Variants in GNG7 observed in about 807,000 individuals in gnomAD.
GNG7 encodes the protein G protein subunit gamma 7.
Under a neutral mutation model 4.0 loss-of-function variants are expected in GNG7, and 1 was observed. The ratio of observed to expected loss-of-function variants is 0.25; its 90% CI spans 0.09 to 1.18. GNG7 has a LOEUF of 1.18. Among genes scored for constraint, GNG7 ranks in the 50% most tolerant of loss-of-function variants. The pLI is 0.50. For missense variants in GNG7, 86 were observed against 91.9 expected (o/e 0.94, Z 0.26); for synonymous variants, 34 against 36.9 (o/e 0.92, Z 0.29).
intron 4 of GNG7, among the ~76,000 whole-genome samples, chr19:2,518,702 G>A (rs1465719645): frequency 6.6e-6 from 1 of 152,226 alleles, no homozygotes; most frequent in Admixed American, 6.5e-5. Flanking sequence ...GTGCTGGAGA[G>A]CTGAGTTCTG....
Position 2,553,628 on chromosome 19 carries a change from C to T in GNG7, c.-38+1521G>A, listed in dbSNP as rs561110982. The stretch of plus-strand genomic sequence containing the variant: ...ATATATCATACTACATACATGCACA[C>T]GTTACATGTAATATGTTATATTACA... On this transcript the variant is annotated intron_variant, in intron 3 of 4. Transcript: ENST00000382159. 4.5e-4 allele frequency among the ~76,000 whole-genome samples: 45 copies of T among 100,868 alleles called. No homozygotes were observed. In the South Asian group the frequency reaches 4.5e-3, roughly 10 times the overall value. The allele number at this position is 100,868 out of a possible 152,430, so 66.2% of individuals were successfully genotyped here.
chr19:2,559,856 T>C (rs918420862), intron 2 of GNG7, among the ~76,000 whole-genome samples: 65 of 148,822 alleles, frequency 4.4e-4, no homozygotes, highest in African/African-American at 1.5e-3. Context: ...GAGTGTTGAA[T>C]AGGGCAGCTG....
chr19:2,605,507 CTTTTT>C (rs10602276), intron 2 of GNG7, among the ~76,000 whole-genome samples: 96 of 62,456 alleles, frequency 1.5e-3, no homozygotes, highest in African/African-American at 6.1e-3. Context: ...CCAAATCTCA[CTTTTT>C]TTTTTTTTTT....
At chr19:2,594,600 T>A (rs1658117027) in intron 2 of GNG7, among the ~76,000 whole-genome samples, 2 of 152,120 alleles carry the variant, frequency 1.3e-5, no homozygotes, top group African/African-American at 2.4e-5. Flanking sequence ...CTCACTTCTC[T>A]CTCCAGCTTT....
In GNG7 at chr19:2,609,103, C is replaced by T. The variant is rs952820471; in HGVS notation, c.-78+37121G>A. 2.6e-5 allele frequency among the ~76,000 whole-genome samples: 4 copies of T among 151,930 alleles called. No homozygotes were observed. Among genetic ancestry groups the T allele is most frequent in the Non-Finnish European group, 5.9e-5 (4 of 67,980 alleles). On this transcript the variant is annotated intron_variant, in intron 2 of 4. Coordinates refer to ENST00000382159, the MANE Select transcript of GNG7 (RefSeq NM_052847.3). This position sits in a 1 kb window ranked among gnomAD's most constrained non-coding sequence, Gnocchi z 4.4. ...GTGCAGTGGTGCGATCTTGGCTCAC[C>T]GCAACCTCTGCCTCTCAGGTTCAAG...
intron 4 of GNG7, among the ~76,000 whole-genome samples, chr19:2,518,245 C>CA (rs1978292537): frequency 1.2e-5 from 1 of 81,472 alleles, no homozygotes; most frequent in African/African-American, 3.6e-5. Flanking sequence ...ATCCTGGCTC[C>CA]CCCCGAGGCC....
Position 2,514,780 on chromosome 19 carries a change from G to C in GNG7, c.*242C>G, listed in dbSNP as rs1972706672. The C allele has an allele frequency of 3.3e-5, 12 of 363,228 alleles. No individual in the cohort carries two copies. The South Asian group carries it at 4.5e-4, about 14-fold the overall frequency. The allele number at this position is 363,228 out of a possible 1,614,324, so 22.5% of individuals were successfully genotyped here. On this transcript the variant is annotated 3_prime_UTR_variant, in exon 5 of 5. Transcript: ENST00000382159. ...CCATCCCTTTTGGCCCAAACTGAGA[G>C]GGCCATGGGGTCGGACCTGAAAATT...
intron 3 of GNG7, among the ~76,000 whole-genome samples, chr19:2,553,580 CAT>C (rs1182895961): frequency 1.3e-5 from 2 of 149,076 alleles, no homozygotes; most frequent in African/African-American, 2.4e-5. Flanking sequence ...AATCATATCA[CAT>C]ACACGCACAT....
chr19:2,537,578 T>C (rs988832341), intron 3 of GNG7, among the ~76,000 whole-genome samples: 1 of 152,138 alleles, frequency 6.6e-6, no homozygotes, highest in Non-Finnish European at 1.5e-5. Flanking sequence ...AGGGTCATAA[T>C]ATATAAATGT....
intron 1 of GNG7, among the ~76,000 whole-genome samples, chr19:2,699,749 C>T (rs1913356276): frequency 6.6e-6 from 1 of 152,188 alleles, no homozygotes; most frequent in East Asian, 1.9e-4. Flanking sequence ...TGCTGCTCGG[C>T]ACCCTGCAGT....
chr19:2,548,871 G>A (rs1307699286), intron 3 of GNG7, among the ~76,000 whole-genome samples: 1 of 152,112 alleles, frequency 6.6e-6, no homozygotes, highest in Non-Finnish European at 1.5e-5. Flanking sequence ...CAGAGATGCT[G>A]ATACCCAGAG....
chr19:2,512,905 G>A lies in GNG7; in HGVS notation c.*2117C>T, dbSNP rs1282908663. ...CATTCCTGCTATGCGTGGTGGGGAC[G>A]CCCACACCCCAAACCCTGCCGGCTC... On this transcript the variant is annotated 3_prime_UTR_variant, in exon 5 of 5. Transcript: ENST00000382159. This position sits in a 1 kb window ranked among gnomAD's most constrained non-coding sequence, Gnocchi z 4.7. 33 of 985,104 alleles carry A rather than the reference G, an allele frequency of 3.3e-5. No homozygotes were observed. The East Asian group carries it at 3.4e-4, about 10-fold the overall frequency. 61.0% of individuals were successfully genotyped at this position (985,104 alleles called of 1,614,324 possible). A position where few individuals can be genotyped will look rare whatever the true frequency, so the allele number is the denominator to read the frequency against.
At chr19:2,668,620 G>T (rs1386751939) in intron 1 of GNG7, among the ~76,000 whole-genome samples, 2 of 152,190 alleles carry the variant, frequency 1.3e-5, no homozygotes, top group Non-Finnish European at 2.9e-5. Context: ...AGCGCTCAAT[G>T]AATGCCTGCT....
chr19:2,629,737 G>A (rs758364678), intron 2 of GNG7, among the ~76,000 whole-genome samples: 22 of 152,220 alleles, frequency 1.4e-4, no homozygotes, highest in Admixed American at 2.6e-4. Context: ...TTGTACTCCC[G>A]CCTCCCTCTG....
chr19:2,547,607 A>T (rs1599383704), intron 3 of GNG7, among the ~76,000 whole-genome samples: 2 of 152,254 alleles, frequency 1.3e-5, no homozygotes, highest in South Asian at 4.1e-4. Context: ...GTGTGGTGAC[A>T]CAGCCACAGC....
chr19:2,659,001 G>A (rs1407759591), intron 1 of GNG7, among the ~76,000 whole-genome samples: 2 of 148,414 alleles, frequency 1.3e-5, no homozygotes, highest in African/African-American at 5.0e-5. Flanking sequence ...ATGGAGTCTC[G>A]CTCTGTCACC....
intron 1 of GNG7, among the ~76,000 whole-genome samples, chr19:2,687,758 A>G (rs1983908608): frequency 6.7e-6 from 1 of 149,388 alleles, no homozygotes; most frequent in South Asian, 2.2e-4. Flanking sequence ...GGCAGATCAC[A>G]TGGTCAGGAG....
At chr19:2,525,568 C>A (rs2144732543) in intron 3 of GNG7, among the ~76,000 whole-genome samples, 1 of 152,170 alleles carries the variant, frequency 6.6e-6, no homozygotes, top group Non-Finnish European at 1.5e-5. Context: ...CAGACCTGAG[C>A]TGATCAGACA....
intron 2 of GNG7, among the ~76,000 whole-genome samples, chr19:2,597,821 A>C (rs1223609974): frequency 2.0e-5 from 3 of 149,874 alleles, no homozygotes; most frequent in African/African-American, 2.5e-5. Flanking sequence ...GCGTGAACCC[A>C]GGAGGCAGAG....
Sources: gnomAD v4.1 joint callset for allele counts (sites outside exome capture counted in the v4.1 genomes callset) on GRCh38, gnomAD v4.1.1 for gene constraint, Gnocchi (gnomAD v3.1) non-coding constraint, MANE v1.5 for transcripts, NCBI Gene and HGNC (gene_info 2026-07-23, HGNC 2026-07-21) for gene names.